BBS2: variants seen among roughly 807,000 people sequenced by gnomAD.
BBS2 encodes BBSome complex member BBS2.
BBS2 carries 62 observed loss-of-function variants against 83.0 expected under a neutral mutation model. The ratio of observed to expected loss-of-function variants is 0.75; its 90% CI spans 0.61 to 0.92. The LOEUF (loss-of-function observed/expected upper bound fraction) is 0.92. BBS2 is among the 40% of genes least tolerant of loss of function. The pLI, the probability that BBS2 is intolerant of heterozygous loss-of-function variation, is 0.00. For synonymous variants in BBS2, 303 were observed against 326.1 expected (o/e 0.93, Z 0.76); for missense variants, 784 against 901.0 (o/e 0.87, Z 1.66).
exon 18 of BBS2, chr16:56,470,613 C>T: frequency 1.9e-6 from 3 of 1,614,020 alleles, no homozygotes; most frequent in Non-Finnish European, 2.5e-6. Flanking sequence ...ATTTCTTGGC[C>T]CCTTCGGAAG....
rs1449411292 is a variant in BBS2, at chr16:56,500,940, G to A, written c.1311C>T (p.Leu437=). The A allele has an allele frequency of 6.2e-7, 1 of 1,614,050 alleles. No individual in the cohort carries two copies. Among genetic ancestry groups the A allele is most frequent in the African/African-American group, 1.3e-5 (1 of 74,930 alleles). The change falls in exon 11 of 17, where the codon CTC becomes CTT. Residue 437 remains leucine (L), a synonymous_variant. Coordinates refer to ENST00000245157, the MANE Select transcript of BBS2 (RefSeq NM_031885.5). ...SHVVHPSIHN[L]SSSICIPIVP... is the part of the protein sequence containing the mutation. ...CAATAGGGATGCAGATGGAACTGGA[G>A]AGGTTGTGAATGCTGGGATGTACCA...
Position 56,484,624 on chromosome 16 carries a change from C to G in BBS2, c.*137G>C, listed in dbSNP as rs1275165715. The G allele has an allele frequency of 1.2e-5, 9 of 722,154 alleles. No individual in the cohort carries two copies. The highest frequency in any genetic ancestry group is 2.1e-5 in the Admixed American group (1 of 47,506). 44.7% of individuals were successfully genotyped at this position (722,154 alleles called of 1,614,324 possible). A position where few individuals can be genotyped will look rare whatever the true frequency, so the allele number is the denominator to read the frequency against. On this transcript the variant is annotated 3_prime_UTR_variant, in exon 17 of 17. Coordinates refer to ENST00000245157, the MANE Select transcript of BBS2 (RefSeq NM_031885.5). ...TCTATCTTCACATGTAGTTCTTTGT[C>G]TTTAATTTGTACAACTCACCAAGGT...
At chr16:56,494,806 C>T (rs1333295435) in intron 15 of BBS2, among the ~76,000 whole-genome samples, 1 of 151,708 alleles carries the variant, frequency 6.6e-6, no homozygotes, top group Admixed American at 6.6e-5. Context: ...ACTGAAAATA[C>T]AAAAAATTAG....
rs778005442 is a variant in BBS2 at position 56,476,069 on chromosome 16, A to G, written c.*1-5374T>C. The stretch of plus-strand genomic sequence containing the variant: ...CTGCTAACAGTGAATCCAGAAAGCA[A>G]TTCTTTGGCATTGGTCTACAGAGAC... On this transcript the variant is annotated intron_variant, in intron 17 of 17. Coordinates refer to the BBS2 transcript ENST00000682047. The G allele has an allele frequency of 3.7e-6, 6 of 1,613,168 alleles. No homozygotes were observed. The highest frequency in any genetic ancestry group is 4.2e-6 in the Non-Finnish European group (5 of 1,179,720).
intron 15 of BBS2, among the ~76,000 whole-genome samples, chr16:56,492,392 G>A (rs1278014363): frequency 6.6e-6 from 1 of 152,188 alleles, no homozygotes; most frequent in Non-Finnish European, 1.5e-5. Context: ...ATGTTACACT[G>A]AGTGAAATAA....
chr16:56,484,947 T>C (rs1194105586), intron 16 of BBS2, 80 bp from the exon 17 acceptor site: 1 of 1,065,884 alleles, frequency 9.4e-7, no homozygotes, highest in Non-Finnish European at 1.4e-6. Flanking sequence ...TAAAACAACA[T>C]AAAACCAGGA....
Position 56,499,871 on chromosome 16 carries a change from G to A in BBS2, c.1434C>T (p.Leu478=). Reference sequence around the variant, plus strand: ...TCAGCGCATACATGGAGAATCGAGGGAGCTGTCTTGTCGATTCAAATACAT... The same window carrying A: ...TCAGCGCATACATGGAGAATCGAGGAAGCTGTCTTGTCGATTCAAATACAT... ...QFHVFESTRQ[L]PRFSMYALTS... The change falls in exon 12 of 17, where the codon CTC becomes CTT. Residue 478 remains leucine, a synonymous_variant. Coordinates refer to ENST00000245157, the MANE Select transcript of BBS2 (RefSeq NM_031885.5). 6.2e-7 allele frequency: 1 copy of A among 1,614,112 alleles called. No homozygotes were observed. Among genetic ancestry groups the A allele is most frequent in the Non-Finnish European group, 8.5e-7 (1 of 1,180,010 alleles).
chr16:56,494,949 G>A (rs1277869384), intron 15 of BBS2, among the ~76,000 whole-genome samples: 36 of 145,654 alleles, frequency 2.5e-4, no homozygotes, highest in Admixed American at 1.2e-3. Context: ...GCGACAGAGC[G>A]AGACTCCGTC....
rs757518307 is a variant in BBS2 at position 56,502,736 on chromosome 16, C to A, written c.877G>T (p.Val293Leu). The change falls in exon 8 of 17, where the codon GTA becomes TTA. Residue 293 changes from valine to leucine, a missense_variant. By Grantham distance (32) the Val-to-Leu change is conservative. Transcript: ENST00000245157. Reference sequence around the variant, plus strand: ...CCATCCATCCGGTAATCTCCCTCTACCACACCGGCAATTGCAGAAGAAAAA... The same window carrying A: ...CCATCCATCCGGTAATCTCCCTCTAACACACCGGCAATTGCAGAAGAAAAA... ...DNFSSAIAGV[V>L]EGDYRMDGHI... 4.3e-6 allele frequency: 7 copies of A among 1,614,084 alleles called. No individual in the cohort carries two copies. The South Asian group carries it at 6.6e-5, about 15-fold the overall frequency.
chr16:56,498,018 T>C (rs1386406927), intron 13 of BBS2, 138 bp from the exon 14 acceptor site: 5 of 928,530 alleles, frequency 5.4e-6, no homozygotes, highest in Middle Eastern at 6.7e-4. Context: ...AAGGAAAGTT[T>C]AGCTCTCAAA....
intron 15 of BBS2, among the ~76,000 whole-genome samples, chr16:56,488,007 G>T (rs535690258): frequency 1.3e-5 from 2 of 152,254 alleles, no homozygotes; most frequent in South Asian, 2.1e-4. Flanking sequence ...GGTGGTGATG[G>T]TTACACATTA....
downstream of BBS2, among the ~76,000 whole-genome samples, chr16:56,482,805 T>A (rs1281588144): frequency 6.6e-6 from 1 of 152,160 alleles, no homozygotes; most frequent in African/African-American, 2.4e-5. Flanking sequence ...TTGGCACAAA[T>A]ACCAGCGTTC....
downstream of BBS2, among the ~76,000 whole-genome samples, chr16:56,479,538 A>G (rs1357240158): frequency 6.6e-6 from 1 of 152,234 alleles, no homozygotes; most frequent in Non-Finnish European, 1.5e-5. Context: ...TTGTGAGGTA[A>G]TAACATGTAA....
In BBS2 at chr16:56,499,868, A is replaced by G. The variant is rs747415803; in HGVS notation, c.1437T>C (p.Pro479=). 6.2e-6 allele frequency: 10 copies of G among 1,614,052 alleles called. No homozygotes were observed. The Admixed American group carries it at 1.5e-4, about 24-fold the overall frequency. Reference sequence around the variant, plus strand: ...TGGTCAGCGCATACATGGAGAATCGAGGGAGCTGTCTTGTCGATTCAAATA... The same window carrying G: ...TGGTCAGCGCATACATGGAGAATCGGGGGAGCTGTCTTGTCGATTCAAATA... ...FHVFESTRQL[P]RFSMYALTSL... Residue 479 remains proline (P), a synonymous_variant, in exon 12 of 17, where the codon CCT becomes CCC. Transcript: ENST00000245157.
chr16:56,496,887 T>A (rs1964128633), intron 15 of BBS2, 80 bp downstream of exon 15: 6 of 1,028,988 alleles, frequency 5.8e-6, no homozygotes, highest in Non-Finnish European at 9.3e-6. Flanking sequence ...TATACTTCTA[T>A]TGGTAACATC....
At chr16:56,480,287 G>A (rs1372715641), downstream of BBS2, among the ~76,000 whole-genome samples, 1 of 131,336 alleles carries the variant, frequency 7.6e-6, no homozygotes, top group African/African-American at 3.1e-5. Flanking sequence ...TTTAAAGATT[G>A]CCTCTCAAAA....
intron 2 of BBS2, among the ~76,000 whole-genome samples, chr16:56,512,508 C>CA (rs1964608066): frequency 6.6e-6 from 1 of 152,028 alleles, no homozygotes; most frequent in Non-Finnish European, 1.5e-5. Flanking sequence ...TATATTCACA[C>CA]AATGGAATAT....
chr16:56,510,487 T>C (rs1354500991), intron 4 of BBS2, among the ~76,000 whole-genome samples: 2 of 152,198 alleles, frequency 1.3e-5, no homozygotes, highest in Non-Finnish European at 2.9e-5. Flanking sequence ...TAAAAGCCAA[T>C]CTCTAAAACA....
At chr16:56,491,363 C>G (rs1224768819) in intron 15 of BBS2, among the ~76,000 whole-genome samples, 1 of 152,078 alleles carries the variant, frequency 6.6e-6, no homozygotes, top group East Asian at 1.9e-4. Flanking sequence ...ATCAAAAGAG[C>G]AGGTTGTTAT....
Sources: allele counts gnomAD v4.1 joint callset (sites outside exome capture counted in the v4.1 genomes callset), GRCh38; gene constraint gnomAD v4.1.1; transcripts MANE v1.5; gene names NCBI Gene and HGNC (gene_info 2026-07-23, HGNC 2026-07-21).